Variants in DYTN observed in about 807,000 individuals in gnomAD.
DYTN encodes the protein dystrotelin.
In DYTN, 75 loss-of-function variants were observed where a neutral mutation model predicts 69.6. The observed-to-expected ratio is 1.08, with a 90% CI of 0.89 to 1.31. The LOEUF (loss-of-function observed/expected upper bound fraction) is 1.31, where lower values mean the gene tolerates loss of function less well. Among genes scored for constraint, DYTN ranks in the 50% most tolerant of loss-of-function variants. The probability of loss-of-function intolerance (pLI) is 0.00; values close to 1 mark genes in which losing one functional copy is unlikely to be tolerated. For synonymous variants in DYTN, 252 were observed against 249.1 expected, an observed-to-expected ratio of 1.01 and a Z score of -0.11; for missense variants, 726 against 688.4, an observed-to-expected ratio of 1.05 and a Z score of -0.61.
chr2:206,651,677 G>A lies in DYTN; in HGVS notation c.*141C>T, dbSNP rs888619923. 1 of 693,228 alleles carries A rather than the reference G, an allele frequency of 1.4e-6. No homozygotes were observed. The highest frequency in any genetic ancestry group is 2.4e-6 in the Non-Finnish European group (1 of 412,720). The allele number at this position is 693,228 out of a possible 1,614,324, so 42.9% of individuals were successfully genotyped here. A position where few individuals can be genotyped will look rare whatever the true frequency, so the allele number is the denominator to read the frequency against. ...AGAACTAAGATACATAAGTAGGGAG[G>A]GAGATCAAAAAACAAAACCTGTTTT... On this transcript the variant is annotated 3_prime_UTR_variant, in exon 12 of 12. Coordinates refer to ENST00000452335, the MANE Select transcript of DYTN (RefSeq NM_001093730.1).
chr2:206,672,005 C>G (rs574958228), intron 9 of DYTN, among the ~76,000 whole-genome samples: 1 of 152,168 alleles, frequency 6.6e-6, no homozygotes, highest in Non-Finnish European at 1.5e-5. Flanking sequence ...TAGACACTAT[C>G]CATTTGCCCC....
intron 9 of DYTN, among the ~76,000 whole-genome samples, chr2:206,682,677 G>C (rs894680153): frequency 6.6e-6 from 1 of 152,024 alleles, no homozygotes; most frequent in African/African-American, 2.4e-5. Context: ...CTCCAGTACA[G>C]ACCCTTTTTT....
intron 2 of DYTN, among the ~76,000 whole-genome samples, chr2:206,708,240 G>A (rs1453742847): frequency 1.3e-5 from 2 of 152,166 alleles, no homozygotes; most frequent in Non-Finnish European, 2.9e-5. Context: ...AAACAAGAAT[G>A]TAATAGAGCT....
chr2:206,672,635 T>C (rs1257208912), intron 9 of DYTN, among the ~76,000 whole-genome samples: 1 of 152,222 alleles, frequency 6.6e-6, no homozygotes. Context: ...TCACAAGACT[T>C]ACTCTCCACT....
At chr2:206,660,008 T>A (rs375248203) in intron 11 of DYTN, among the ~76,000 whole-genome samples, 43,428 of 151,916 alleles carry the variant, frequency 0.29, 6,288 homozygotes, top group Middle Eastern at 0.3. Flanking sequence ...GATGTGTACT[T>A]TTTTTCTTGC....
chr2:206,672,494 A>G lies in DYTN; in HGVS notation c.981-6465T>C, dbSNP rs537883762. Among the ~76,000 whole-genome samples the G allele has an allele frequency of 2.6e-5, 4 of 152,306 alleles. No individual in the cohort carries two copies. The South Asian group carries it at 8.3e-4, about 32-fold the overall frequency. On this transcript the variant is annotated intron_variant, in intron 9 of 11. Transcript: ENST00000452335. ...CCAGCTCTCTGTCGCACACTCTAGC[A>G]TGATGCCTGTGTCTTGGCAGGTGTC...
Position 206,663,148 on chromosome 2 carries a change from G to A in DYTN, c.1388C>T (p.Thr463Ile). 1 of 1,613,942 alleles carries A rather than the reference G, an allele frequency of 6.2e-7. No individual in the cohort carries two copies. The highest frequency in any genetic ancestry group is 8.5e-7 in the Non-Finnish European group (1 of 1,179,880). ...CTTTTGTGTTTGGCTTTGTGCCCTG[G>A]TGCTGTGCAAAGTGGTCTCTGGTGA... is the stretch of plus-strand genomic sequence containing the variant. ...PESPETTLHSTRAQSQTQKMP... is the reference protein window; with the variant it reads ...PESPETTLHSIRAQSQTQKMP... The change falls in exon 11 of 12, where the codon ACC (threonine) becomes ATC (isoleucine). Residue 463 changes from threonine to isoleucine, a missense_variant. Transcript: ENST00000452335.
Position 206,663,190 on chromosome 2 carries a change from G to A in DYTN, c.1346C>T (p.Ala449Val), listed in dbSNP as rs780621448. 8 of 1,613,844 alleles carry A rather than the reference G, an allele frequency of 5.0e-6. No homozygotes were observed. The highest frequency in any genetic ancestry group is 3.3e-5 in the Admixed American group (2 of 59,968). Residue 449 changes from alanine to valine, a missense_variant, in exon 11 of 12, where the codon GCT becomes GTT. Physicochemically the swap from Ala to Val is moderately conservative, Grantham distance 64. Coordinates refer to ENST00000452335, the MANE Select transcript of DYTN (RefSeq NM_001093730.1). ...CTCTGGTGATTCTGGATTTCGCAGA[G>A]CATGCTCTGCATTTGTGTGACTTCT... is the stretch of plus-strand genomic sequence containing the variant. ...SHRSHTNAEH[A>V]LRNPESPETT...
chr2:206,717,088 C>G (rs1038747458), intron 1 of DYTN, among the ~76,000 whole-genome samples: 7 of 115,166 alleles, frequency 6.1e-5, no homozygotes, highest in African/African-American at 2.4e-4. Flanking sequence ...AAAACAAACT[C>G]AAGAAAGGAA....
At chr2:206,668,836 TAGTG>T (rs72344348) in intron 9 of DYTN, among the ~76,000 whole-genome samples, 9,822 of 152,128 alleles carry the variant, frequency 0.065, 1,041 homozygotes, top group African/African-American at 0.22. Flanking sequence ...GTTCTCATGA[TAGTG>T]AGTGAGTCTC....
At chr2:206,663,469 C>T in intron 10 of DYTN, 74 bp from the exon 11 acceptor site, 2 of 1,435,328 alleles carry the variant, frequency 1.4e-6, no homozygotes, top group East Asian at 2.5e-5. Flanking sequence ...TACATTTCAA[C>T]ATTCCAACAG....
intron 11 of DYTN, among the ~76,000 whole-genome samples, chr2:206,659,171 T>C (rs1699480089): frequency 7.5e-6 from 1 of 133,172 alleles, no homozygotes; most frequent in South Asian, 2.6e-4. Flanking sequence ...TCTCTTTTTT[T>C]TTTTTTTTTT....
chr2:206,714,369 A>G (rs1700108371), intron 1 of DYTN, among the ~76,000 whole-genome samples: 1 of 151,806 alleles, frequency 6.6e-6, no homozygotes, highest in Non-Finnish European at 1.5e-5. Flanking sequence ...CGCCCGGCTA[A>G]TTTTTTGTAT....
chr2:206,702,595 T>C (rs1254121252), intron 5 of DYTN, among the ~76,000 whole-genome samples: 1 of 152,216 alleles, frequency 6.6e-6, no homozygotes, highest in African/African-American at 2.4e-5. Flanking sequence ...GTTTGGCTTG[T>C]GAGTGCTGAT....
intron 11 of DYTN, among the ~76,000 whole-genome samples, chr2:206,655,860 T>A (rs1365607001): frequency 6.6e-6 from 1 of 152,246 alleles, no homozygotes; most frequent in Non-Finnish European, 1.5e-5. Flanking sequence ...TTTGGCATGA[T>A]TTCAATGTTC....
intron 9 of DYTN, among the ~76,000 whole-genome samples, chr2:206,677,168 G>A (rs545572776): frequency 8.5e-5 from 13 of 152,164 alleles, no homozygotes; most frequent in African/African-American, 2.4e-4. Flanking sequence ...AACTGGTCTC[G>A]AACTTCTGAG....
At chr2:206,698,531 G>A (rs1400518492) in intron 7 of DYTN, among the ~76,000 whole-genome samples, 1 of 152,168 alleles carries the variant, frequency 6.6e-6, no homozygotes, top group African/African-American at 2.4e-5. Context: ...ATGTCCCAGA[G>A]CTTTAGTCTT....
Position 206,700,196 on chromosome 2 carries a change from C to G in DYTN, c.504G>C (p.Glu168Asp). The change falls in exon 6 of 12, where the codon GAG (glutamate) becomes GAC (aspartate). Residue 168 changes from glutamate to aspartate, a missense_variant. By Grantham distance (45) the Glu-to-Asp change is conservative. Coordinates refer to ENST00000452335, the MANE Select transcript of DYTN (RefSeq NM_001093730.1). ...TTTCCACAGGGCACAGAGCACGACT[C>G]TCTCCCACGAAAGTTGGGATCTGCA... ...DLQQIPTFVG[E>D]SRALCPVESA... 6.2e-7 allele frequency: 1 copy of G among 1,613,928 alleles called. No homozygotes were observed. Among genetic ancestry groups the G allele is most frequent in the South Asian group, 1.1e-5 (1 of 91,082 alleles).
chr2:206,667,030 G>T (rs374610588), intron 9 of DYTN, among the ~76,000 whole-genome samples: 7 of 152,266 alleles, frequency 4.6e-5, no homozygotes, highest in African/African-American at 1.4e-4. Context: ...GGCTGACAGA[G>T]AGAGACCCTG....
Sources: gnomAD v4.1 joint callset for allele counts (sites outside exome capture counted in the v4.1 genomes callset) on GRCh38, gnomAD v4.1.1 for gene constraint, MANE v1.5 for transcripts, NCBI Gene and HGNC (gene_info 2026-07-23, HGNC 2026-07-21) for gene names.